DNAH12: variants seen among roughly 807,000 people sequenced by gnomAD.
The protein encoded by DNAH12 is dynein axonemal heavy chain 12.
A neutral mutation model predicts 371.5 loss-of-function variants in DNAH12; 285 were observed. The observed-to-expected ratio is 0.77, with a 90% CI of 0.70 to 0.85. The LOEUF is 0.85. DNAH12 is among the 40% of genes least tolerant of loss of function. DNAH12 has a pLI of 0.00. For missense variants in DNAH12, 3,611 were observed against 3,689.4 expected (o/e 0.98, Z 0.55); for synonymous variants, 1,200 against 1,213.0 (o/e 0.99, Z 0.22).
chr3:57,425,954 GC>G (rs1372472012), intron 34 of DNAH12, among the ~76,000 whole-genome samples: 1 of 152,152 alleles, frequency 6.6e-6, no homozygotes, highest in African/African-American at 2.4e-5. Flanking sequence ...AGGGTAGGAG[GC>G]GGCTGCTAGA....
At chr3:57,414,008 T>C in intron 38 of DNAH12, 96 bp from the exon 39 acceptor site, 2 of 1,269,768 alleles carry the variant, frequency 1.6e-6, no homozygotes, top group Non-Finnish European at 2.1e-6. Flanking sequence ...AAACAACCCA[T>C]TTTGCCAGAA....
At chr3:57,485,678 C>G (rs2066901456) in intron 12 of DNAH12, among the ~76,000 whole-genome samples, 1 of 152,162 alleles carries the variant, frequency 6.6e-6, no homozygotes, top group East Asian at 2.0e-4. Context: ...GAATTACAGG[C>G]ATGAGCCACC....
chr3:57,432,596 A>G (rs1287615314), intron 32 of DNAH12, among the ~76,000 whole-genome samples: 1 of 152,216 alleles, frequency 6.6e-6, no homozygotes, highest in East Asian at 1.9e-4. Flanking sequence ...TAATATAGAC[A>G]TAAATAAGTT....
chr3:57,525,154 CAAA>C (rs5849213), intron 2 of DNAH12, among the ~76,000 whole-genome samples: 283 of 109,470 alleles, frequency 2.6e-3, no homozygotes, highest in African/African-American at 8.5e-3. Context: ...AGAGGAGAAA[CAAA>C]AAAAAAAAAA....
chr3:57,470,504 T>C lies in DNAH12; in HGVS notation c.2044A>G (p.Asn682Asp), dbSNP rs2066335065. 1.3e-6 allele frequency: 2 copies of C among 1,548,476 alleles called. No homozygotes were observed. The highest frequency in any genetic ancestry group is 1.7e-6 in the Non-Finnish European group (2 of 1,146,266). Residue 682 changes from asparagine to aspartate, a missense_variant, in exon 16 of 74, where the codon AAC (asparagine) becomes GAC (aspartate). By Grantham distance (23) the Asn-to-Asp change is conservative. This residue lies in a region of DNAH12 where 1,314 missense variants were observed against 1,398.7 expected (regional missense o/e 0.94). Coordinates refer to ENST00000495027, the MANE Select transcript of DNAH12 (RefSeq NM_001366028.2). ...KYPELDKLKV[N>D]IEPYQKFFNF... ...AAAAACTTCTGATAGGGCTCAATGT[T>C]AACTTTTAATTTATCCAGTTCAGGA...
chr3:57,428,962 C>T (rs1439829424), intron 33 of DNAH12, 141 bp from the exon 34 acceptor site: 8 of 789,226 alleles, frequency 1.0e-5, no homozygotes, highest in Admixed American at 3.4e-5. Flanking sequence ...ACAGTCTAGA[C>T]GTTCCCCATA....
At chr3:57,555,148 G>A in the DNAH12 span, among the ~76,000 whole-genome samples, 2 of 152,162 alleles carry the variant, frequency 1.3e-5, no homozygotes, top group East Asian at 3.9e-4. Flanking sequence ...GGAGGCTGAG[G>A]CACGAGAATC....
the DNAH12 span, among the ~76,000 whole-genome samples, chr3:57,554,960 C>G: frequency 1.3e-5 from 2 of 152,130 alleles, no homozygotes; most frequent in Admixed American, 6.6e-5. Flanking sequence ...TGCACGATTC[C>G]TTAGGCCAGG....
At chr3:57,397,308 G>A (rs1365383923) in intron 43 of DNAH12, among the ~76,000 whole-genome samples, 1 of 149,856 alleles carries the variant, frequency 6.7e-6, no homozygotes, top group Non-Finnish European at 1.5e-5. Flanking sequence ...ACAAGAGAAG[G>A]GACTGTTCCC....
At chr3:57,488,162 C>T (rs962498013) in intron 12 of DNAH12, among the ~76,000 whole-genome samples, 3 of 151,872 alleles carry the variant, frequency 2.0e-5, no homozygotes, top group Admixed American at 6.6e-5. Context: ...ATTAGTCCTG[C>T]GAGGAAGGTA....
At chr3:57,441,081 CAT>C (rs535724008) in intron 29 of DNAH12, among the ~76,000 whole-genome samples, 22 of 152,120 alleles carry the variant, frequency 1.4e-4, no homozygotes, top group Non-Finnish European at 2.9e-4. Context: ...AAAACAAACT[CAT>C]AGATGACCCA....
At chr3:57,436,394 T>TG (rs2065126471) in intron 30 of DNAH12, among the ~76,000 whole-genome samples, 1 of 152,186 alleles carries the variant, frequency 6.6e-6, no homozygotes, top group Non-Finnish European at 1.5e-5. Context: ...TCTCTAGAAC[T>TG]GGGGCCCTCA....
chr3:57,407,452 A>G (rs1205676729), intron 40 of DNAH12, among the ~76,000 whole-genome samples: 1 of 152,152 alleles, frequency 6.6e-6, no homozygotes, highest in East Asian at 1.9e-4. Flanking sequence ...CTCTTTGCTC[A>G]TAGTAGTTTC....
chr3:57,372,543 G>A (rs1005244268), intron 55 of DNAH12, among the ~76,000 whole-genome samples: 2 of 151,906 alleles, frequency 1.3e-5, no homozygotes, highest in Admixed American at 1.3e-4. Flanking sequence ...ATATGAAAAA[G>A]TGAAATATAT....
chr3:57,550,910 G>A, the DNAH12 span, among the ~76,000 whole-genome samples: 4 of 143,668 alleles, frequency 2.8e-5, no homozygotes, highest in East Asian at 2.1e-4. Context: ...ATGGAGTCTC[G>A]CTCTGTCGCT....
chr3:57,437,716 G>A (rs757211613), intron 29 of DNAH12, among the ~76,000 whole-genome samples: 3 of 152,196 alleles, frequency 2.0e-5, no homozygotes, highest in African/African-American at 7.2e-5. Flanking sequence ...TGGTTCTCCC[G>A]AACATCCATG....
intron 17 of DNAH12, among the ~76,000 whole-genome samples, chr3:57,466,363 C>A (rs1052826142): frequency 2.6e-5 from 4 of 152,064 alleles, no homozygotes; most frequent in African/African-American, 9.7e-5. Context: ...TCAGATGTCT[C>A]TTTTTATATT....
Position 57,323,613 on chromosome 3 carries a change from G to C in DNAH12, c.9985C>G (p.Pro3329Ala). 1 of 1,539,032 alleles carries C rather than the reference G, an allele frequency of 6.5e-7. No homozygotes were observed. The highest frequency in any genetic ancestry group is 8.7e-7 in the Non-Finnish European group (1 of 1,143,054). The change falls in exon 63 of 74, where the codon CCA (proline) becomes GCA (alanine). Residue 3329 changes from proline to alanine, a missense_variant. Around this residue, in one of 3 missense-constraint regions of DNAH12, gnomAD observed 2,266 missense variants for 2,236.9 expected, o/e 1.01. Coordinates refer to ENST00000495027, the MANE Select transcript of DNAH12 (RefSeq NM_001366028.2). ...LRCLRPDKIT[P>A]AITNYVTDKL... is the part of the protein sequence containing the mutation. ...TCAGTTACATAGTTTGTTATAGCTG[G>C]GGTTATCTGTTGAAGAGAAAAGATA...
chr3:57,524,344 C>T (rs1239584352), intron 2 of DNAH12, among the ~76,000 whole-genome samples: 3 of 152,028 alleles, frequency 2.0e-5, no homozygotes, highest in Non-Finnish European at 4.4e-5. Context: ...CTGTGGTTAT[C>T]CTCAGTGCCT....
Sources: allele counts gnomAD v4.1 joint callset (sites outside exome capture counted in the v4.1 genomes callset), GRCh38; gene constraint gnomAD v4.1.1; regional missense constraint gnomAD v4.1.1; transcripts MANE v1.5; gene names NCBI Gene and HGNC (gene_info 2026-07-23, HGNC 2026-07-21).